CUX2: variants seen among roughly 807,000 people sequenced by gnomAD.
The protein encoded by CUX2 is homeobox protein cut-like 2.
In CUX2, 40 loss-of-function variants were observed where a neutral mutation model predicts 144.8. The observed-to-expected ratio is 0.28, with a 90% CI of 0.21 to 0.36. CUX2 has a LOEUF of 0.36. CUX2 is among the 10% of genes least tolerant of loss of function. The probability of loss-of-function intolerance (pLI) is 1.00; values close to 1 mark genes in which losing one functional copy is unlikely to be tolerated. For synonymous variants in CUX2, 827 were observed against 875.6 expected (o/e 0.94, Z 0.98); for missense variants, 1,615 against 1,994.0 (o/e 0.81, Z 3.62).
intron 1 of CUX2, among the ~76,000 whole-genome samples, chr12:111,162,025 C>T (rs1011163312): frequency 2.0e-5 from 3 of 152,196 alleles, no homozygotes; most frequent in South Asian, 2.1e-4. Flanking sequence ...CATGAGCCAC[C>T]GCACCTGGAC....
At chr12:111,306,055 T>C (rs544975415) in intron 10 of CUX2, among the ~76,000 whole-genome samples, 23 of 151,912 alleles carry the variant, frequency 1.5e-4, no homozygotes, top group African/African-American at 4.6e-4. Flanking sequence ...AGAGAGGCTG[T>C]GTGGAGAGAG....
rs1877469009 is a variant in CUX2, at chr12:111,157,474, A to G, written c.64-56726A>G. Reference sequence around the variant, plus strand: ...ATCTGGTTTATGTTTCAAAGATTACAGCTTTAAAAAAAAAATCACTCTAGG... The same window carrying G: ...ATCTGGTTTATGTTTCAAAGATTACGGCTTTAAAAAAAAAATCACTCTAGG... On this transcript the variant is annotated intron_variant, in intron 1 of 21. Coordinates refer to ENST00000261726, the MANE Select transcript of CUX2 (RefSeq NM_015267.4). Among the ~76,000 whole-genome samples, 3 of 152,044 alleles carry G rather than the reference A, an allele frequency of 2.0e-5. No individual in the cohort carries two copies. In the South Asian group the frequency reaches 6.2e-4, roughly 32 times the overall value.
At chr12:111,117,554 T>G (rs560610112) in intron 1 of CUX2, among the ~76,000 whole-genome samples, 1 of 152,118 alleles carries the variant, frequency 6.6e-6, no homozygotes. Context: ...AATCCAGAAA[T>G]ATTTGACAAA....
chr12:111,215,821 C>CT (rs1881499322), intron 2 of CUX2, among the ~76,000 whole-genome samples: 1 of 152,232 alleles, frequency 6.6e-6, no homozygotes, highest in South Asian at 2.1e-4. Flanking sequence ...TGACTTTCTT[C>CT]TGAGGCCATG....
Position 111,240,058 on chromosome 12 carries a change from T to C in CUX2, c.222+22121T>C, listed in dbSNP as rs545517732. On this transcript the variant is annotated intron_variant, in intron 3 of 21. Coordinates refer to ENST00000261726, the MANE Select transcript of CUX2 (RefSeq NM_015267.4). Reference sequence around the variant, plus strand: ...CAGCTATGCAGACCGTATCCTTCATTTAGTCCTCAGCAGTCCTGTGAGGGA... The same window carrying C: ...CAGCTATGCAGACCGTATCCTTCATCTAGTCCTCAGCAGTCCTGTGAGGGA... Among the ~76,000 whole-genome samples the C allele has an allele frequency of 2.6e-5, 4 of 152,348 alleles. No individual in the cohort carries two copies. In the East Asian group the frequency reaches 7.7e-4, roughly 29 times the overall value.
rs1886859554 is a variant in CUX2 at position 111,310,795 on chromosome 12, G to A, written c.1900+113G>A. On this transcript the variant is annotated intron_variant, in intron 15 of 21. Coordinates refer to ENST00000261726, the MANE Select transcript of CUX2 (RefSeq NM_015267.4). This position sits in a 1 kb window ranked among gnomAD's most constrained non-coding sequence, Gnocchi z 7.9. ...TCAAAGCCCAGCTCTACCACCACCT[G>A]GCTGTGTGACCCAGGGCCAGTGGCT... 2 of 1,267,844 alleles carry A rather than the reference G, an allele frequency of 1.6e-6. No individual in the cohort carries two copies. Among genetic ancestry groups the A allele is most frequent in the African/African-American group, 1.5e-5 (1 of 66,644 alleles). The allele number at this position is 1,267,844 out of a possible 1,614,324, so 78.5% of individuals were successfully genotyped here. A position where few individuals can be genotyped will look rare whatever the true frequency, so the allele number is the denominator to read the frequency against.
rs35724344 is a variant in CUX2 at position 111,061,178 on chromosome 12, G to GCGCACA, written c.63+26939_63+26940insGCACAC. ...TGTCCCCAGATGTGTGCATGCATAT[G>GCGCACA]CACACACACACACACACACACACAC... On this transcript the variant is annotated intron_variant, in intron 1 of 21. Coordinates refer to ENST00000261726, the MANE Select transcript of CUX2 (RefSeq NM_015267.4). This position sits in a 1 kb window ranked among gnomAD's most constrained non-coding sequence, Gnocchi z 4.2. Among the ~76,000 whole-genome samples the GCGCACA allele has an allele frequency of 7.0e-6, 1 of 143,632 alleles. No homozygotes were observed. Among genetic ancestry groups the GCGCACA allele is most frequent in the South Asian group, 2.4e-4 (1 of 4,232 alleles). The allele number at this position is 143,632 out of a possible 152,430, so 94.2% of individuals were successfully genotyped here.
chr12:111,042,249 G>A (rs541629162), intron 1 of CUX2, among the ~76,000 whole-genome samples: 6 of 152,148 alleles, frequency 3.9e-5, no homozygotes, highest in African/African-American at 1.4e-4. Context: ...CCCAGCCGCC[G>A]GTGTGGACTG....
intron 1 of CUX2, among the ~76,000 whole-genome samples, chr12:111,153,428 CA>C (rs375718266): frequency 9.9e-5 from 15 of 152,272 alleles, no homozygotes; most frequent in Non-Finnish European, 1.9e-4. Flanking sequence ...CAAACCTAGA[CA>C]GTAGAGCCTG....
chr12:111,316,334 CGGG>C (rs1474908530), intron 16 of CUX2, among the ~76,000 whole-genome samples: 1 of 145,564 alleles, frequency 6.9e-6, no homozygotes, highest in Non-Finnish European at 1.5e-5. Context: ...TTAGTAGAGA[CGGG>C]GTTTCTCCGT....
At chr12:111,238,228 C>G (rs949585030) in intron 3 of CUX2, among the ~76,000 whole-genome samples, 1 of 152,352 alleles carries the variant, frequency 6.6e-6, no homozygotes, top group East Asian at 1.9e-4. Flanking sequence ...TGCCTAATTA[C>G]TCACATAGTA....
Position 111,059,455 on chromosome 12 carries a change from A to T in CUX2, c.63+25215A>T, listed in dbSNP as rs1365522308. The stretch of plus-strand genomic sequence containing the variant: ...GCCAACTCCCAGTGAGGGGAGCAGG[A>T]CTACTGCCTGATTCCTGGACCATTT... On this transcript the variant is annotated intron_variant, in intron 1 of 21. Coordinates refer to ENST00000261726, the MANE Select transcript of CUX2 (RefSeq NM_015267.4). The surrounding 1 kb of genome is among the most constrained non-coding windows in gnomAD (Gnocchi z 5.3). 6.6e-6 allele frequency among the ~76,000 whole-genome samples: 1 copy of T among 152,236 alleles called. No individual in the cohort carries two copies. The highest frequency in any genetic ancestry group is 1.5e-5 in the Non-Finnish European group (1 of 68,034).
At chr12:111,062,466 G>A (rs570401715) in intron 1 of CUX2, among the ~76,000 whole-genome samples, 1 of 152,366 alleles carries the variant, frequency 6.6e-6, no homozygotes, top group African/African-American at 2.4e-5. Context: ...CTGTCACTAG[G>A]GAAGCAGAGC....
Position 111,178,147 on chromosome 12 carries a change from A to G in CUX2, c.64-36053A>G, listed in dbSNP as rs1878964593. Among the ~76,000 whole-genome samples, 1 of 152,220 alleles carries G rather than the reference A, an allele frequency of 6.6e-6. No homozygotes were observed. Among genetic ancestry groups the G allele is most frequent in the Non-Finnish European group, 1.5e-5 (1 of 68,032 alleles). ...AAGGTCTGTCTGTGTCTAGAAGAAG[A>G]GATTCCAAGATGATCTATTTTATGT... On this transcript the variant is annotated intron_variant, in intron 1 of 21. Coordinates refer to ENST00000261726, the MANE Select transcript of CUX2 (RefSeq NM_015267.4). The surrounding 1 kb of genome is among the most constrained non-coding windows in gnomAD (Gnocchi z 5.7).
intron 18 of CUX2, among the ~76,000 whole-genome samples, chr12:111,331,061 G>T (rs898486979): frequency 6.6e-6 from 1 of 151,796 alleles, no homozygotes; most frequent in Non-Finnish European, 1.5e-5. Context: ...TTAGAGAGGA[G>T]CCTAGATGTT....
chr12:111,073,987 T>C (rs1018579503), intron 1 of CUX2, among the ~76,000 whole-genome samples: 1 of 151,698 alleles, frequency 6.6e-6, no homozygotes, highest in African/African-American at 2.4e-5. Flanking sequence ...AGATAAACAG[T>C]GAATGATTTT....
intron 1 of CUX2, among the ~76,000 whole-genome samples, chr12:111,152,826 G>A (rs1467066459): frequency 2.0e-5 from 3 of 152,226 alleles, no homozygotes; most frequent in African/African-American, 7.2e-5. Context: ...TGGCAGTCAG[G>A]GACTGGGGAC....
Position 111,322,467 on chromosome 12 carries a change from C to T in CUX2, c.2813C>T (p.Pro938Leu). 2 of 1,587,332 alleles carry T rather than the reference C, an allele frequency of 1.3e-6. No individual in the cohort carries two copies. The highest frequency in any genetic ancestry group is 1.7e-6 in the Non-Finnish European group (2 of 1,168,370). ...AGCGTGAGCGACATGCTGTCCCGGCCGAAGCCATGGAGCAAGCTGACGCAG... is the reference window on the plus strand; with the variant it reads ...AGCGTGAGCGACATGCTGTCCCGGCTGAAGCCATGGAGCAAGCTGACGCAG... ...QGSVSDMLSR[P>L]KPWSKLTQKG... Residue 938 changes from proline (P) to leucine (L), a missense_variant, in exon 18 of 22, where the codon CCG (proline) becomes CTG (leucine). Transcript: ENST00000261726. This position sits in a 1 kb window ranked among gnomAD's most constrained non-coding sequence, Gnocchi z 4.2.
At chr12:111,207,956 G>C (rs1353000125) in intron 1 of CUX2, among the ~76,000 whole-genome samples, 1 of 152,112 alleles carries the variant, frequency 6.6e-6, no homozygotes, top group Non-Finnish European at 1.5e-5. Context: ...AGGGAAAGGA[G>C]ACTGTGGAAC....
Sources: allele counts gnomAD v4.1 joint callset (sites outside exome capture counted in the v4.1 genomes callset), GRCh38; gene constraint gnomAD v4.1.1; non-coding constraint Gnocchi (gnomAD v3.1); transcripts MANE v1.5; gene names NCBI Gene and HGNC (gene_info 2026-07-23, HGNC 2026-07-21).